MARK3: variants seen among roughly 807,000 people sequenced by gnomAD.
MARK3 encodes the protein MAP/microtubule affinity-regulating kinase 3.
A neutral mutation model predicts 90.1 loss-of-function variants in MARK3; 46 were observed. The ratio of observed to expected loss-of-function variants is 0.51; its 90% CI spans 0.40 to 0.65. The LOEUF (loss-of-function observed/expected upper bound fraction) is 0.65, where lower values mean the gene tolerates loss of function less well. MARK3 is among the 30% of genes least tolerant of loss of function. The pLI, the probability that MARK3 is intolerant of heterozygous loss-of-function variation, is 0.00. For missense variants in MARK3, 818 were observed against 947.2 expected, an observed-to-expected ratio of 0.86 and a Z score of 1.79; for synonymous variants, 321 against 332.6, an observed-to-expected ratio of 0.97 and a Z score of 0.38.
At chr14:103,501,295 C>G (rs546074949) in intron 17 of MARK3, among the ~76,000 whole-genome samples, 2 of 152,324 alleles carry the variant, frequency 1.3e-5, no homozygotes, top group African/African-American at 4.8e-5. Flanking sequence ...CTACCCATCC[C>G]AGCCAGGAGC....
At chr14:103,389,580 G>A (rs1194701166) in intron 1 of MARK3, among the ~76,000 whole-genome samples, 1 of 19,482 alleles carries the variant, frequency 5.1e-5, no homozygotes, top group Admixed American at 6.9e-4. Context: ...CTTCATCCTT[G>A]TACACTAATT....
chr14:103,493,913 C>G (rs991946212), intron 15 of MARK3, among the ~76,000 whole-genome samples: 10 of 146,418 alleles, frequency 6.8e-5, no homozygotes, highest in Admixed American at 2.7e-4. Context: ...TATTTTTCTT[C>G]TTTGTACTCT....
chr14:103,425,380 C>A (rs1297681825), intron 2 of MARK3, among the ~76,000 whole-genome samples: 2 of 151,896 alleles, frequency 1.3e-5, no homozygotes, highest in Non-Finnish European at 2.9e-5. Flanking sequence ...CCGCCTCAGC[C>A]TTTCAAGTAG....
chr14:103,445,935 G>C (rs567929871), intron 3 of MARK3, among the ~76,000 whole-genome samples: 1 of 152,192 alleles, frequency 6.6e-6, no homozygotes, highest in Non-Finnish European at 1.5e-5. Context: ...GGCTCAGACC[G>C]CAGTTGTTGG....
At chr14:103,387,992 C>T (rs1416506396) in intron 1 of MARK3, among the ~76,000 whole-genome samples, 1 of 151,974 alleles carries the variant, frequency 6.6e-6, no homozygotes, top group Non-Finnish European at 1.5e-5. Flanking sequence ...AGTGCCGTGG[C>T]ATGATCTCGG....
At chr14:103,449,469 A>G (rs905179044) in intron 4 of MARK3, among the ~76,000 whole-genome samples, 2 of 151,852 alleles carry the variant, frequency 1.3e-5, no homozygotes, top group Admixed American at 1.3e-4. Context: ...TGTAAAAAGA[A>G]TATTTCAGAG....
chr14:103,475,091 T>C lies in MARK3; in HGVS notation c.1363T>C (p.Ser455Pro). 6.2e-7 allele frequency: 1 copy of C among 1,614,166 alleles called. No homozygotes were observed. Among genetic ancestry groups the C allele is most frequent in the East Asian group, 2.2e-5 (1 of 44,878 alleles). Residue 455 changes from serine to proline, a missense_variant, in exon 13 of 18, where the codon TCA becomes CCA. This residue lies in a region of MARK3 where 560 missense variants were observed against 613.5 expected (regional missense o/e 0.91). Transcript: ENST00000429436. ...AGAAGATGGAATTTCCTCCCGGAAA[T>C]CAAGTGGCAGTGCTGTTGGAGGAAA... ...LKEDGISSRK[S>P]SGSAVGGKGI...
intron 3 of MARK3, among the ~76,000 whole-genome samples, chr14:103,434,907 T>TA (rs2092678291): frequency 6.6e-6 from 1 of 152,180 alleles, no homozygotes; most frequent in Admixed American, 6.5e-5. Flanking sequence ...TCCACTCCGA[T>TA]ACCCCTCAAG....
At chr14:103,453,018 G>A (rs1027856579) in intron 5 of MARK3, among the ~76,000 whole-genome samples, 7 of 152,122 alleles carry the variant, frequency 4.6e-5, no homozygotes, top group South Asian at 2.1e-4. Context: ...TTTTAATGTC[G>A]CTGGTGTCTG....
intron 1 of MARK3, among the ~76,000 whole-genome samples, chr14:103,388,012 A>G (rs548977053): frequency 1.3e-5 from 2 of 151,228 alleles, no homozygotes; most frequent in African/African-American, 4.9e-5. Flanking sequence ...GCTCACTGCA[A>G]CCTCCGCCTC....
chr14:103,412,552 G>C, intron 2 of MARK3: 1 of 615,256 alleles, frequency 1.6e-6, no homozygotes. Context: ...TCGTCACAGT[G>C]CTGCTGTTCC....
chr14:103,417,097 A>G (rs1595564820), intron 2 of MARK3, among the ~76,000 whole-genome samples: 1 of 152,116 alleles, frequency 6.6e-6, no homozygotes, highest in African/African-American at 2.4e-5. Flanking sequence ...GCGTTGTGCT[A>G]CTCTCCAGCC....
In MARK3 at chr14:103,480,463, CA is replaced by C; in HGVS notation, c.1560del (p.Val521Ter). 6.2e-7 allele frequency: 1 copy of C among 1,612,058 alleles called. No homozygotes were observed. Among genetic ancestry groups the C allele is most frequent in the Admixed American group, 1.7e-5 (1 of 59,876 alleles). On this transcript the variant is annotated frameshift_variant, in exon 14 of 18. Coordinates refer to ENST00000429436, the MANE Select transcript of MARK3 (RefSeq NM_001128918.3). LOFTEE classifies it high-confidence loss of function. ...GAGAGAACTACAGCTGATAGACACT[CA>C]GTGATTCAGAATGGCAAAGAAAACA... The part of the protein sequence containing the change: ...CSERTTADRH[S>X]VIQNGKENST...
chr14:103,476,966 C>G (rs900885995), intron 13 of MARK3, among the ~76,000 whole-genome samples: 20 of 152,134 alleles, frequency 1.3e-4, no homozygotes, highest in Admixed American at 1.3e-3. Flanking sequence ...GGCATTATTC[C>G]CTGCCTTCAT....
Position 103,491,766 on chromosome 14 carries a change from T to C in MARK3, c.1587-11T>C. The C allele has an allele frequency of 1.9e-6, 3 of 1,611,792 alleles. No homozygotes were observed. Among genetic ancestry groups the C allele is most frequent in the Non-Finnish European group, 2.5e-6 (3 of 1,178,410 alleles). On this transcript the variant is annotated splice_polypyrimidine_tract_variant and intron_variant, in intron 14 of 17. Coordinates refer to ENST00000429436, the MANE Select transcript of MARK3 (RefSeq NM_001128918.3). ...CATGTTCTGAGAGCTTCTTACTTTCTGATCTCATAGCACTATTCCTGATCA... is the reference window on the plus strand; with the variant it reads ...CATGTTCTGAGAGCTTCTTACTTTCCGATCTCATAGCACTATTCCTGATCA...
At position 103,420,792 on chromosome 14, in the gene MARK3, T is replaced by A. The variant is rs765428609; in HGVS notation, c.244-7595T>A. On this transcript the variant is annotated intron_variant, in intron 2 of 17. Coordinates refer to ENST00000429436, the MANE Select transcript of MARK3 (RefSeq NM_001128918.3). Reference sequence around the variant, plus strand: ...TCCTTTTCGGACATATGCAGAACGGTGAAAAAATATGCACATCCCTAGTTG... The same window carrying A: ...TCCTTTTCGGACATATGCAGAACGGAGAAAAAATATGCACATCCCTAGTTG... Among the ~76,000 whole-genome samples the A allele has an allele frequency of 1.6e-4, 24 of 152,288 alleles. 1 individual carries two copies. The highest frequency in any genetic ancestry group is 2.1e-4 in the South Asian group (1 of 4,824).
intron 10 of MARK3, among the ~76,000 whole-genome samples, chr14:103,466,825 A>G (rs2093512573): frequency 6.6e-6 from 1 of 152,026 alleles, no homozygotes; most frequent in African/African-American, 2.4e-5. Context: ...ACCAACATGG[A>G]GAAACCCCAT....
chr14:103,492,378 T>C (rs1200446889), intron 15 of MARK3, among the ~76,000 whole-genome samples: 1 of 152,090 alleles, frequency 6.6e-6, no homozygotes, highest in Non-Finnish European at 1.5e-5. Flanking sequence ...GCTGGCACTC[T>C]GTAACAATCA....
At chr14:103,411,135 A>G (rs1034232046) in intron 2 of MARK3, among the ~76,000 whole-genome samples, 1 of 152,112 alleles carries the variant, frequency 6.6e-6, no homozygotes, top group Non-Finnish European at 1.5e-5. Context: ...TTAGCTGGGC[A>G]TGGTGGCGGG....
Sources: gnomAD v4.1 joint callset for allele counts (sites outside exome capture counted in the v4.1 genomes callset) on GRCh38, gnomAD v4.1.1 for gene constraint, gnomAD v4.1.1 regional missense constraint, MANE v1.5 for transcripts, NCBI Gene and HGNC (gene_info 2026-07-23, HGNC 2026-07-21) for gene names.